The following SEMA6A variants were observed in gnomAD, a reference collection of about 807,000 sequenced individuals.
SEMA6A encodes semaphorin-6A.
In SEMA6A, 25 loss-of-function variants were observed where a neutral mutation model predicts 96.8. The observed-to-expected ratio is 0.26, with a 90% CI of 0.19 to 0.36. The LOEUF (loss-of-function observed/expected upper bound fraction) is 0.36. SEMA6A is among the 10% of genes least tolerant of loss of function. SEMA6A has a pLI of 1.00. For synonymous variants in SEMA6A, 612 were observed against 518.0 expected, an observed-to-expected ratio of 1.18 and a Z score of -2.46; for missense variants, 1,363 against 1,323.1, an observed-to-expected ratio of 1.03 and a Z score of -0.47.
At position 116,467,648 on chromosome 5, in the gene SEMA6A, A is replaced by G; in HGVS notation, c.1829T>C (p.Leu610Pro). 7.4e-6 allele frequency: 12 copies of G among 1,613,678 alleles called. No homozygotes were observed. The highest frequency in any genetic ancestry group is 1.0e-5 in the Non-Finnish European group (12 of 1,179,824). Residue 610 changes from leucine to proline, a missense_variant, in exon 18 of 19, where the codon CTT (leucine) becomes CCT (proline). Coordinates refer to ENST00000343348, the MANE Select transcript of SEMA6A (RefSeq NM_020796.5). Reference protein sequence around the residue: ...RGGMLDWKHLLDSPDSTDPLG... With the variant: ...RGGMLDWKHLPDSPDSTDPLG... ...AGGGTCTGTGCTGTCAGGTGAGTCA[A>G]GCAGATGCTTCCAGTCCAGCATTCC...
At chr5:116,524,839 C>G (rs1036482052) in intron 1 of SEMA6A, among the ~76,000 whole-genome samples, 2 of 60,700 alleles carry the variant, frequency 3.3e-5, no homozygotes, top group Non-Finnish European at 8.6e-5. Context: ...GGGTTAGGAT[C>G]AGATGCTCTA....
In SEMA6A at chr5:116,446,683, G is replaced by C. The variant is rs750512109; in HGVS notation, c.3023C>G (p.Pro1008Arg). 2 of 1,567,658 alleles carry C rather than the reference G, an allele frequency of 1.3e-6. No homozygotes were observed. Among genetic ancestry groups the C allele is most frequent in the East Asian group, 4.6e-5 (2 of 43,924 alleles). Residue 1008 changes from proline to arginine, a missense_variant, in exon 19 of 19, where the codon CCG becomes CGG. This residue lies in a region of SEMA6A where 883 missense variants were observed against 763.6 expected (regional missense o/e 1.16). Coordinates refer to ENST00000343348, the MANE Select transcript of SEMA6A (RefSeq NM_020796.5). ...AAAGGATGGTTTGGGGGGTACGTCC[G>C]GCTTTAGCGAGGGCGTACGCTTCAG... ...SGLKRTPSLK[P>R]DVPPKPSFAP...
chr5:116,479,528 A>G (rs1371436061), intron 12 of SEMA6A, among the ~76,000 whole-genome samples: 3 of 152,234 alleles, frequency 2.0e-5, no homozygotes, highest in Non-Finnish European at 4.4e-5. Flanking sequence ...GATGGCTACC[A>G]CAGTGGGATG....
chr5:116,565,130 TTTTA>T (rs1474998244), intron 1 of SEMA6A, among the ~76,000 whole-genome samples: 7 of 152,258 alleles, frequency 4.6e-5, no homozygotes, highest in South Asian at 2.1e-4. Context: ...TGTACTGTAT[TTTTA>T]TTTATTTATT....
At chr5:116,474,542 G>A (rs1756354606) in intron 16 of SEMA6A, among the ~76,000 whole-genome samples, 1 of 152,096 alleles carries the variant, frequency 6.6e-6, no homozygotes, top group African/African-American at 2.4e-5. Context: ...TATGTATATG[G>A]CAAAGATTTG....
chr5:116,451,318 C>T (rs569115223), intron 18 of SEMA6A, among the ~76,000 whole-genome samples: 5 of 152,266 alleles, frequency 3.3e-5, no homozygotes, highest in Non-Finnish European at 7.3e-5. Context: ...AAGTGATAGT[C>T]GCAGCTGCTC....
At chr5:116,562,466 A>G in intron 1 of SEMA6A, 1 of 368,380 alleles carries the variant, frequency 2.7e-6, no homozygotes, top group Non-Finnish European at 5.2e-6. Flanking sequence ...CAGGTTTTTG[A>G]TATTTGTTCT....
chr5:116,491,742 G>A lies in SEMA6A; in HGVS notation c.533C>T (p.Ala178Val), dbSNP rs1376277775. 2 of 1,612,644 alleles carry A rather than the reference G, an allele frequency of 1.2e-6. No homozygotes were observed. Among genetic ancestry groups the A allele is most frequent in the African/African-American group, 2.7e-5 (2 of 75,004 alleles). ...CGAGGAGAAATCAGGTCGCTTACCT[G>A]CAAACAGTGCAACGTTGGCATGTTT... Reference protein sequence around the residue: ...DAKHANVALFADGKLYSATVT... With the variant: ...DAKHANVALFVDGKLYSATVT... The change falls in exon 7 of 19, where the codon GCA (alanine) becomes GTA (valine). Residue 178 changes from alanine (A) to valine (V), a missense_variant and splice_region_variant. By Grantham distance (64) the Ala-to-Val change is moderately conservative (BLOSUM62 0). This residue lies in a region of SEMA6A where 480 missense variants were observed against 559.5 expected (regional missense o/e 0.86). Coordinates refer to ENST00000343348, the MANE Select transcript of SEMA6A (RefSeq NM_020796.5).
intron 1 of SEMA6A, among the ~76,000 whole-genome samples, chr5:116,537,131 ACATGCACACATG>A (rs1458894203): frequency 2.0e-5 from 3 of 152,216 alleles, no homozygotes; most frequent in Non-Finnish European, 4.4e-5. Context: ...AGTTACACAC[ACATGCACACATG>A]CATGCACACA....
Position 116,484,501 on chromosome 5 carries a change from G to A in SEMA6A, c.963-1926C>T, listed in dbSNP as rs574727467. Among the ~76,000 whole-genome samples the A allele has an allele frequency of 7.9e-5, 12 of 151,976 alleles. No homozygotes were observed. In the East Asian group the frequency reaches 2.3e-3, roughly 29 times the overall value. ...CTCAGTTGGCTCACACTTCAGTGTG[G>A]AGGCAAATATAAGAATAATGACAAA... On this transcript the variant is annotated intron_variant, in intron 10 of 18. Coordinates refer to ENST00000343348, the MANE Select transcript of SEMA6A (RefSeq NM_020796.5).
chr5:116,523,160 T>A lies in SEMA6A; in HGVS notation c.-38-18178A>T, dbSNP rs932303260. On this transcript the variant is annotated intron_variant, in intron 1 of 18. Coordinates refer to ENST00000343348, the MANE Select transcript of SEMA6A (RefSeq NM_020796.5). ...ATTCAACTAACACTGAGCTAAGCACTAAGAAAGGAGCAAAGGCATGTTTCC... is the reference window on the plus strand; with the variant it reads ...ATTCAACTAACACTGAGCTAAGCACAAAGAAAGGAGCAAAGGCATGTTTCC... Among the ~76,000 whole-genome samples, 10 of 152,196 alleles carry A rather than the reference T, an allele frequency of 6.6e-5. 1 individual carries two copies. The highest frequency in any genetic ancestry group is 6.5e-4 in the Admixed American group (10 of 15,288).
chr5:116,447,804 A>G lies in SEMA6A; in HGVS notation c.1902T>C (p.Ile634=). 3.1e-6 allele frequency: 5 copies of G among 1,595,110 alleles called. No homozygotes were observed. Among genetic ancestry groups the G allele is most frequent in the Non-Finnish European group, 4.3e-6 (5 of 1,167,332 alleles). The change falls in exon 19 of 19, where the codon ATT becomes ATC. Residue 634 remains isoleucine, a synonymous_variant. Coordinates refer to ENST00000343348, the MANE Select transcript of SEMA6A (RefSeq NM_020796.5). The stretch of plus-strand genomic sequence containing the variant: ...CGTGGCCTTTGAGGTAACTTTCCCG[A>G]ATCACTCCTGCAATAGACATCGCAT... ...SHNHQDKKGV[I]RESYLKGHDQ...
chr5:116,469,781 G>A (rs1293035451), intron 17 of SEMA6A, among the ~76,000 whole-genome samples: 1 of 152,152 alleles, frequency 6.6e-6, no homozygotes. Flanking sequence ...AGATTTCCTG[G>A]CCCATATGCT....
chr5:116,517,397 C>A (rs1177205466), intron 1 of SEMA6A, among the ~76,000 whole-genome samples: 1 of 151,866 alleles, frequency 6.6e-6, no homozygotes, highest in African/African-American at 2.4e-5. Context: ...AAATTCCCAA[C>A]ACTGGTTTTG....
chr5:116,481,386 G>T (rs1268469838), intron 11 of SEMA6A, among the ~76,000 whole-genome samples: 1 of 152,160 alleles, frequency 6.6e-6, no homozygotes, highest in Non-Finnish European at 1.5e-5. Flanking sequence ...GTCTGAGGTT[G>T]CTGGGGTGTG....
At chr5:116,497,068 T>A (rs114507104) in intron 4 of SEMA6A, among the ~76,000 whole-genome samples, 1 of 152,234 alleles carries the variant, frequency 6.6e-6, no homozygotes, top group Non-Finnish European at 1.5e-5. Context: ...AATATTTTTA[T>A]AAAAGAAATG....
At chr5:116,481,722 C>A (rs1018307300) in intron 11 of SEMA6A, among the ~76,000 whole-genome samples, 3 of 152,088 alleles carry the variant, frequency 2.0e-5, no homozygotes, top group Non-Finnish European at 4.4e-5. Flanking sequence ...AGAAGAGAGG[C>A]ACGCAAAGGG....
Position 116,447,915 on chromosome 5 carries a change from C to A in SEMA6A, c.1895-104G>T, listed in dbSNP as rs184199328. 4 of 907,422 alleles carry A rather than the reference C, an allele frequency of 4.4e-6. No individual in the cohort carries two copies. In the South Asian group the frequency reaches 7.1e-5, roughly 16 times the overall value. 56.2% of individuals were successfully genotyped at this position (907,422 alleles called of 1,614,324 possible). ...AATTAATAACAGTAGTAAGTGACAA[C>A]AGCACCTCTGCACAACTTGTCTTCC... is the stretch of plus-strand genomic sequence containing the variant. On this transcript the variant is annotated intron_variant, in intron 18 of 18. Coordinates refer to ENST00000343348, the MANE Select transcript of SEMA6A (RefSeq NM_020796.5).
chr5:116,469,727 A>T (rs1196151958), intron 17 of SEMA6A, among the ~76,000 whole-genome samples: 1 of 152,224 alleles, frequency 6.6e-6, no homozygotes, highest in Admixed American at 6.5e-5. Flanking sequence ...TTAATACGGT[A>T]ATCTAGGGGA....
Sources: allele counts gnomAD v4.1 joint callset (sites outside exome capture counted in the v4.1 genomes callset), GRCh38; gene constraint gnomAD v4.1.1; regional missense constraint gnomAD v4.1.1; transcripts MANE v1.5; gene names NCBI Gene and HGNC (gene_info 2026-07-23, HGNC 2026-07-21).